Variants in ERCC6 observed in about 807,000 individuals in gnomAD.
ERCC6 encodes the protein ERCC excision repair 6, chromatin remodeling factor.
A neutral mutation model predicts 158.7 loss-of-function variants in ERCC6; 116 were observed. The ratio of observed to expected loss-of-function variants is 0.73; its 90% CI spans 0.63 to 0.85. ERCC6 has a LOEUF of 0.85. ERCC6 is among the 40% of genes least tolerant of loss of function. The pLI is 0.00. For synonymous variants in ERCC6, 678 were observed against 659.3 expected, an observed-to-expected ratio of 1.03 and a Z score of -0.43; for missense variants, 1,698 against 1,799.4, an observed-to-expected ratio of 0.94 and a Z score of 1.02.
chr10:49,441,548 T>C, the ERCC6 span, among the ~76,000 whole-genome samples: 2 of 152,226 alleles, frequency 1.3e-5, no homozygotes, highest in African/African-American at 2.4e-5. Context: ...TTCCCTTGCC[T>C]GTGTAGACCC....
chr10:49,474,253 A>G lies in ERCC6; in HGVS notation c.2383-11T>C, dbSNP rs1277561008. The G allele has an allele frequency of 6.2e-7, 1 of 1,607,366 alleles. No homozygotes were observed. Among genetic ancestry groups the G allele is most frequent in the Admixed American group, 1.7e-5 (1 of 60,010 alleles). ...AAGTCCGGAGAAAATCTGTGGTAAG[A>G]AAGAGTACATGTACACTCAGATGAC... On this transcript the variant is annotated splice_polypyrimidine_tract_variant and intron_variant, in intron 12 of 20. Transcript: ENST00000355832.
intron 8 of ERCC6, chr10:49,488,097 ATATGTAACCTCTC>A: frequency 5.2e-6 from 1 of 193,270 alleles, no homozygotes; most frequent in Non-Finnish European, 1.1e-5. Context: ...AGCTTGTAAA[ATATGTAACCTCTC>A]CTAGTTTTTG....
the ERCC6 span, among the ~76,000 whole-genome samples, chr10:49,437,223 GC>G: frequency 1.3e-3 from 192 of 152,242 alleles, 1 homozygote; most frequent in Middle Eastern, 3.4e-3. Flanking sequence ...AGCCTCCCCA[GC>G]CATGTGGAAC....
In ERCC6 at chr10:49,524,175, C is replaced by A. The variant is rs772090380; in HGVS notation, c.1255G>T (p.Val419Leu). The A allele has an allele frequency of 1.2e-6, 2 of 1,614,214 alleles. No individual in the cohort carries two copies. Among genetic ancestry groups the A allele is most frequent in the African/African-American group, 1.3e-5 (1 of 75,058 alleles). Residue 419 changes from valine (V) to leucine (L), a missense_variant, in exon 5 of 21, where the codon GTG (valine) becomes TTG (leucine). Val to Leu is a conservative substitution (Grantham distance 32). Coordinates refer to ENST00000355832, the MANE Select transcript of ERCC6 (RefSeq NM_000124.4). The stretch of plus-strand genomic sequence containing the variant: ...AAAAAGTCATCATCAATCTCCTGCA[C>A]TGGCACTTTCTTCTGCCGTTTCCCG... ...KGGKRQKKVP[V>L]QEIDDDFFPS...
At chr10:49,482,928 A>C in intron 9 of ERCC6, 65 bp from the exon 10 acceptor site, 1 of 1,541,168 alleles carries the variant, frequency 6.5e-7, no homozygotes, top group Non-Finnish European at 9.0e-7. Flanking sequence ...TTCCTACCCT[A>C]AAACGCTCCT....
At position 49,532,943 on chromosome 10, in the gene ERCC6, G is replaced by T. The variant is rs1371290208; in HGVS notation, c.22C>A (p.His8Asn). 1 of 1,614,192 alleles carries T rather than the reference G, an allele frequency of 6.2e-7. No individual in the cohort carries two copies. The highest frequency in any genetic ancestry group is 1.1e-5 in the South Asian group (1 of 91,068). Residue 8 changes from histidine to asparagine, a missense_variant, in exon 2 of 21, where the codon CAC becomes AAC. Physicochemically the swap from His to Asn is moderately conservative, Grantham distance 68 (BLOSUM62 1). Coordinates refer to ENST00000355832, the MANE Select transcript of ERCC6 (RefSeq NM_000124.4). MPNEGIP[H>N]SSQTQEQDCL... is the part of the protein sequence containing the mutation. ...TCTTGCTCCTGAGTTTGACTTGAGT[G>T]GGGGATTCCCTCATTTGGCATTCTC...
rs149850296 is a variant in ERCC6 at position 49,516,729 on chromosome 10, G to A, written c.1397+7304C>T. 1.2e-3 allele frequency: 1,937 copies of A among 1,614,120 alleles called. 3 individuals are homozygous for A. The highest frequency in any genetic ancestry group is 1.7e-3 in the Admixed American group (100 of 60,018). ...GGTGAAGAAATCGTTTGGTGGTGCT[G>A]TAACTCTACCTGCTACGGGTTGTAC... On this transcript the variant is annotated intron_variant, in intron 5 of 20. Transcript: ENST00000355832.
chr10:49,504,464 A>AT (rs1851410784), intron 6 of ERCC6: 1 of 152,184 alleles, frequency 6.6e-6, no homozygotes, highest in Admixed American at 6.6e-5. Flanking sequence ...TTTGCTAGAA[A>AT]ATCTGACATT....
the ERCC6 span, among the ~76,000 whole-genome samples, chr10:49,441,638 T>G: frequency 6.6e-6 from 1 of 152,002 alleles, no homozygotes; most frequent in African/African-American, 2.4e-5. Flanking sequence ...TCTCCGCAGG[T>G]GGGGTGCTGT....
intron 5 of ERCC6, chr10:49,517,263 A>AACTAGTAGAG: frequency 8.0e-7 from 1 of 1,245,504 alleles, no homozygotes; most frequent in Non-Finnish European, 1.1e-6. Flanking sequence ...ACAATAGCAT[A>AACTAGTAGAG]ACTAGTAGAG....
intron 20 of ERCC6, among the ~76,000 whole-genome samples, chr10:49,459,626 A>C (rs1423351780): frequency 6.6e-6 from 1 of 152,124 alleles, no homozygotes; most frequent in Non-Finnish European, 1.5e-5. Context: ...GACCCTGTAC[A>C]CTGTGGATAA....
chr10:49,451,761 A>G (rs1850422354), downstream of ERCC6, among the ~76,000 whole-genome samples: 1 of 152,204 alleles, frequency 6.6e-6, no homozygotes, highest in South Asian at 2.1e-4. Context: ...TATCAGGGCA[A>G]TACTGGGAAG....
In ERCC6 at chr10:49,459,059, T is replaced by C. The variant is rs2228529; in HGVS notation, c.4238A>G (p.Gln1413Arg). 336,052 of 1,614,064 alleles carry C rather than the reference T, an allele frequency of 0.21. 37,755 individuals are homozygous for C. The highest frequency in any genetic ancestry group is 0.35 in the South Asian group (31,487 of 91,078). Reference protein sequence around the residue: ...ERLESESGHLQEASALLPTTE... With the variant: ...ERLESESGHLREASALLPTTE... ...GGTGGGCAGCAGGGCAGAAGCTTCC[T>C]GCAGGTGCCCGCTTTCACTTTCTAA... The change falls in exon 21 of 21, where the codon CAG (glutamine) becomes CGG (arginine). Residue 1413 changes from glutamine (Q) to arginine (R), a missense_variant. Gln to Arg is a conservative substitution (Grantham distance 43). Coordinates refer to ENST00000355832, the MANE Select transcript of ERCC6 (RefSeq NM_000124.4).
intron 5 of ERCC6, among the ~76,000 whole-genome samples, chr10:49,509,986 A>G (rs1490004484): frequency 6.6e-6 from 1 of 152,158 alleles, no homozygotes; most frequent in Non-Finnish European, 1.5e-5. Context: ...CTCCACTGGC[A>G]GCCAATTACA....
At chr10:49,472,793 T>A (rs1046972794) in intron 15 of ERCC6, 116 bp downstream of exon 15, 1 of 1,281,428 alleles carries the variant, frequency 7.8e-7, no homozygotes, top group Non-Finnish European at 1.1e-6. Flanking sequence ...CAGGAGACAA[T>A]CAAAATGTGA....
rs777906196 is a variant in ERCC6, at chr10:49,505,915, C to A, written c.1495G>T (p.Val499Leu). 1.1e-5 allele frequency: 18 copies of A among 1,613,414 alleles called. No homozygotes were observed. Among genetic ancestry groups the A allele is most frequent in the Non-Finnish European group, 1.5e-5 (18 of 1,179,556 alleles). ...SDAEFDEGFKVPGFLFKKLFK... is the reference protein window; with the variant it reads ...SDAEFDEGFKLPGFLFKKLFK... Reference sequence around the variant, plus strand: ...AGCTTTTTGAACAGAAAACCTGGCACTTTAAAACCTTCGTCAAATTCAGCA... The same window carrying A: ...AGCTTTTTGAACAGAAAACCTGGCAATTTAAAACCTTCGTCAAATTCAGCA... Residue 499 changes from valine (V) to leucine (L), a missense_variant, in exon 6 of 21, where the codon GTG becomes TTG. By Grantham distance (32) the Val-to-Leu change is conservative. Coordinates refer to ENST00000355832, the MANE Select transcript of ERCC6 (RefSeq NM_000124.4).
At chr10:49,510,973 T>C (rs1370871223) in intron 5 of ERCC6, among the ~76,000 whole-genome samples, 1 of 151,162 alleles carries the variant, frequency 6.6e-6, no homozygotes, top group African/African-American at 2.4e-5. Context: ...TGAGGGTGGC[T>C]GCAACATCAG....
At chr10:49,485,902 T>C (rs1851068876) in intron 8 of ERCC6, among the ~76,000 whole-genome samples, 1 of 152,170 alleles carries the variant, frequency 6.6e-6, no homozygotes, top group African/African-American at 2.4e-5. Context: ...TTCCACTGGG[T>C]AAGGCAAAAA....
intron 4 of ERCC6, among the ~76,000 whole-genome samples, chr10:49,526,657 C>T (rs188848465): frequency 1.3e-5 from 2 of 152,214 alleles, no homozygotes; most frequent in African/African-American, 4.8e-5. Flanking sequence ...TATTTTGCTT[C>T]CTATTAAGCC....
Sources: gnomAD v4.1 joint callset for allele counts (sites outside exome capture counted in the v4.1 genomes callset) on GRCh38, gnomAD v4.1.1 for gene constraint, MANE v1.5 for transcripts, NCBI Gene and HGNC (gene_info 2026-07-23, HGNC 2026-07-21) for gene names.